The following PTPRD variants were observed in gnomAD, a reference collection of about 807,000 sequenced individuals.
PTPRD encodes receptor-type tyrosine-protein phosphatase delta.
In PTPRD, 34 loss-of-function variants were observed where a neutral mutation model predicts 214.5. That is an observed-to-expected ratio of 0.16 (90% CI 0.12 to 0.21). PTPRD has a LOEUF of 0.21. Among genes scored for constraint, PTPRD ranks in the 10% least tolerant of loss-of-function variants. The pLI, the probability that PTPRD is intolerant of heterozygous loss-of-function variation, is 1.00. For synonymous variants in PTPRD, 1,128 were observed against 845.7 expected, an observed-to-expected ratio of 1.33 and a Z score of -5.79; for missense variants, 2,545 against 2,398.7, an observed-to-expected ratio of 1.06 and a Z score of -1.27.
intron 14 of PTPRD, among the ~76,000 whole-genome samples, chr9:8,582,567 G>T (rs754510845): frequency 1.3e-5 from 2 of 151,514 alleles, no homozygotes; most frequent in East Asian, 1.9e-4. Flanking sequence ...GATATAATAG[G>T]GAAAAAAGGA....
intron 2 of PTPRD, among the ~76,000 whole-genome samples, chr9:10,440,655 A>G (rs1223412899): frequency 6.6e-6 from 1 of 151,766 alleles, no homozygotes; most frequent in African/African-American, 2.4e-5. Flanking sequence ...CAAACTTGAA[A>G]GCAATGAGAA....
intron 3 of PTPRD, among the ~76,000 whole-genome samples, chr9:10,242,287 ATT>A (rs1448857635): frequency 6.6e-6 from 1 of 151,866 alleles, no homozygotes; most frequent in African/African-American, 2.4e-5. Context: ...TCTTTGTTTT[ATT>A]TCTTTAAGCT....
chr9:9,518,771 G>A (rs76013923), intron 8 of PTPRD, among the ~76,000 whole-genome samples: 1,846 of 152,100 alleles, frequency 0.012, 37 homozygotes, highest in African/African-American at 0.042. Context: ...TTCTAAGACA[G>A]AAGAAAAGCA....
chr9:10,026,512 A>G (rs1247107777), intron 4 of PTPRD, among the ~76,000 whole-genome samples: 1 of 152,214 alleles, frequency 6.6e-6, no homozygotes, highest in Non-Finnish European at 1.5e-5. Flanking sequence ...AATAGAGTGA[A>G]ACAAAAAAGA....
At chr9:10,243,087 C>T (rs905352916) in intron 3 of PTPRD, among the ~76,000 whole-genome samples, 1 of 151,916 alleles carries the variant, frequency 6.6e-6, no homozygotes, top group African/African-American at 2.4e-5. Context: ...GTTCCATTGT[C>T]CCTTTGCACT....
intron 11 of PTPRD, among the ~76,000 whole-genome samples, chr9:8,839,575 T>A (rs2097517817): frequency 6.6e-6 from 1 of 152,206 alleles, no homozygotes; most frequent in Non-Finnish European, 1.5e-5. Flanking sequence ...TCCACCCACC[T>A]TGGCCTCCCA....
In PTPRD at chr9:8,706,198, G is replaced by A. The variant is rs1467449650; in HGVS notation, c.64+27582C>T. 5.9e-5 allele frequency among the ~76,000 whole-genome samples: 9 copies of A among 152,052 alleles called. No homozygotes were observed. The East Asian group carries it at 1.2e-3, about 20-fold the overall frequency. The stretch of plus-strand genomic sequence containing the variant: ...AATTAAAAAAAAAGAAAACTGCCTC[G>A]TTTCCAAGGGATCTTGATCAAACCA... On this transcript the variant is annotated intron_variant, in intron 12 of 45. Coordinates refer to ENST00000381196, the MANE Select transcript of PTPRD (RefSeq NM_002839.4).
intron 7 of PTPRD, among the ~76,000 whole-genome samples, chr9:9,616,707 A>G (rs2094888968): frequency 6.6e-6 from 1 of 152,148 alleles, no homozygotes; most frequent in African/African-American, 2.4e-5. Context: ...CCTTTTCTAG[A>G]AAACTCACGA....
chr9:9,967,968 G>T lies in PTPRD; in HGVS notation c.-471-29358C>A, dbSNP rs193208075. On this transcript the variant is annotated intron_variant, in intron 4 of 45. Transcript: ENST00000381196. ...AATTTGTCACAAAATTTTAGAATTTGATATCCACATTAGAGAAGCTTTTGT... is the reference window on the plus strand; with the variant it reads ...AATTTGTCACAAAATTTTAGAATTTTATATCCACATTAGAGAAGCTTTTGT... 9.6e-4 allele frequency among the ~76,000 whole-genome samples: 146 copies of T among 152,190 alleles called. 5 individuals are homozygous for T. The East Asian group carries it at 0.019, about 20-fold the overall frequency.
chr9:10,186,406 A>G (rs2099330420), intron 3 of PTPRD, among the ~76,000 whole-genome samples: 1 of 152,158 alleles, frequency 6.6e-6, no homozygotes, highest in South Asian at 2.1e-4. Context: ...TTAAATGACT[A>G]AAATATAAAG....
intron 28 of PTPRD, 54 bp from the exon 29 acceptor site, chr9:8,485,378 G>GTCCT: frequency 7.7e-7 from 1 of 1,291,172 alleles, no homozygotes; most frequent in Non-Finnish European, 1.1e-6. Flanking sequence ...CAGATGACCT[G>GTCCT]TCCTTTCCAC....
intron 10 of PTPRD, among the ~76,000 whole-genome samples, chr9:9,108,371 TA>T (rs1182627986): frequency 6.6e-6 from 1 of 152,176 alleles, no homozygotes; most frequent in Non-Finnish European, 1.5e-5. Context: ...AATTTAGTAT[TA>T]ACATGAGCGG....
At chr9:9,450,126 G>GCC (rs1569568432) in intron 8 of PTPRD, among the ~76,000 whole-genome samples, 1 of 147,366 alleles carries the variant, frequency 6.8e-6, no homozygotes, top group Non-Finnish European at 1.5e-5. Context: ...GTGTCTGTGT[G>GCC]TGTGTGTGTG....
chr9:8,564,429 T>C (rs188111943), intron 14 of PTPRD, among the ~76,000 whole-genome samples: 44 of 152,226 alleles, frequency 2.9e-4, no homozygotes, highest in Non-Finnish European at 4.0e-4. Flanking sequence ...CCGGGCACGG[T>C]AGCTCACACA....
intron 7 of PTPRD, among the ~76,000 whole-genome samples, chr9:9,704,156 G>A (rs2097552977): frequency 6.6e-6 from 1 of 152,102 alleles, no homozygotes; most frequent in South Asian, 2.1e-4. Flanking sequence ...ATGCAAAGTG[G>A]CTTTCCGTGG....
chr9:10,212,351 TAA>T (rs937056486), intron 3 of PTPRD, among the ~76,000 whole-genome samples: 2 of 152,130 alleles, frequency 1.3e-5, no homozygotes, highest in Non-Finnish European at 2.9e-5. Flanking sequence ...AACGTGTAGC[TAA>T]AAGTCTTATA....
At chr9:9,594,454 G>A (rs1347759849) in intron 7 of PTPRD, among the ~76,000 whole-genome samples, 1 of 151,962 alleles carries the variant, frequency 6.6e-6, no homozygotes, top group Non-Finnish European at 1.5e-5. Flanking sequence ...TTTGCATAAG[G>A]TGAGAGATGA....
chr9:9,271,505 T>G (rs1385075336), intron 9 of PTPRD, among the ~76,000 whole-genome samples: 1 of 151,342 alleles, frequency 6.6e-6, no homozygotes, highest in East Asian at 2.0e-4. Flanking sequence ...AAAAATCCAT[T>G]TAAAACATGC....
At chr9:9,402,021 G>A (rs969311317) in intron 8 of PTPRD, among the ~76,000 whole-genome samples, 6 of 152,030 alleles carry the variant, frequency 3.9e-5, no homozygotes, top group Non-Finnish European at 8.8e-5. Context: ...ATGGACTAAT[G>A]CAGTCATAAT....
Sources: gnomAD v4.1 joint callset for allele counts (sites outside exome capture counted in the v4.1 genomes callset) on GRCh38, gnomAD v4.1.1 for gene constraint, MANE v1.5 for transcripts, NCBI Gene and HGNC (gene_info 2026-07-23, HGNC 2026-07-21) for gene names.